RCAN1: variants seen among roughly 807,000 people sequenced by gnomAD.
RCAN1 encodes regulator of calcineurin 1.
In RCAN1, 11 loss-of-function variants were observed where a neutral mutation model predicts 22.9. The observed-to-expected ratio is 0.48, with a 90% confidence interval of 0.30 to 0.79. The LOEUF (loss-of-function observed/expected upper bound fraction) is 0.79, where lower values mean the gene tolerates loss of function less well. RCAN1 is among the 30% of genes least tolerant of loss of function. The pLI is 0.06. For synonymous variants in RCAN1, 136 were observed against 142.3 expected, an observed-to-expected ratio of 0.96 and a Z score of 0.32; for missense variants, 291 against 337.8, an observed-to-expected ratio of 0.86 and a Z score of 1.09.
At chr21:34,596,395 C>T (rs761044758) in intron 1 of RCAN1, among the ~76,000 whole-genome samples, 6 of 152,140 alleles carry the variant, frequency 3.9e-5, no homozygotes, top group African/African-American at 1.4e-4. Flanking sequence ...TGCAGGGAAC[C>T]CCCTCACTGG....
intron 1 of RCAN1, among the ~76,000 whole-genome samples, chr21:34,541,778 C>G (rs1237045151): frequency 6.6e-6 from 1 of 151,950 alleles, no homozygotes; most frequent in East Asian, 1.9e-4. Flanking sequence ...ACTAAAAACA[C>G]AAAAAACTAG....
intron 1 of RCAN1, among the ~76,000 whole-genome samples, chr21:34,575,524 T>G (rs562518236): frequency 4.0e-4 from 61 of 152,158 alleles, no homozygotes; most frequent in African/African-American, 1.4e-3. Context: ...TTTATTTCAT[T>G]TAGATGTATA....
At chr21:34,588,763 A>G (rs1987879521) in intron 1 of RCAN1, among the ~76,000 whole-genome samples, 1 of 152,266 alleles carries the variant, frequency 6.6e-6, no homozygotes, top group Non-Finnish European at 1.5e-5. Flanking sequence ...AAAATAGCCA[A>G]GATGGCAGCA....
intron 1 of RCAN1, among the ~76,000 whole-genome samples, chr21:34,575,233 A>C (rs1439483004): frequency 6.6e-6 from 1 of 152,230 alleles, no homozygotes; most frequent in Non-Finnish European, 1.5e-5. Flanking sequence ...CACAGTGTGC[A>C]TCACAGGGCT....
chr21:34,540,432 T>C (rs1010466993), intron 1 of RCAN1, among the ~76,000 whole-genome samples: 1 of 152,092 alleles, frequency 6.6e-6, no homozygotes, highest in Admixed American at 6.5e-5. Flanking sequence ...AAATCACTCA[T>C]GTCTCCATTC....
chr21:34,578,275 G>A (rs1312612338), intron 1 of RCAN1, among the ~76,000 whole-genome samples: 6 of 152,184 alleles, frequency 3.9e-5, no homozygotes, highest in African/African-American at 1.4e-4. Context: ...AGCAGATGAG[G>A]CAGGACATCA....
intron 1 of RCAN1, among the ~76,000 whole-genome samples, chr21:34,527,817 G>A (rs145729906): frequency 9.6e-4 from 145 of 150,960 alleles, no homozygotes; most frequent in African/African-American, 3.4e-3. Flanking sequence ...GCATAAATGG[G>A]TTAAGAGGTC....
At chr21:34,572,121 C>T (rs191598608) in intron 1 of RCAN1, among the ~76,000 whole-genome samples, 1 of 152,250 alleles carries the variant, frequency 6.6e-6, no homozygotes, top group Admixed American at 6.5e-5. Context: ...CACAGAAAAT[C>T]AGTGGGACCA....
At chr21:34,569,214 C>G (rs1032016096) in intron 1 of RCAN1, among the ~76,000 whole-genome samples, 4 of 152,136 alleles carry the variant, frequency 2.6e-5, no homozygotes, top group Non-Finnish European at 4.4e-5. Flanking sequence ...TTTAGTCACA[C>G]TATAGGTTGC....
At chr21:34,610,377 G>C (rs1988651829) in intron 1 of RCAN1, among the ~76,000 whole-genome samples, 1 of 152,148 alleles carries the variant, frequency 6.6e-6, no homozygotes, top group Non-Finnish European at 1.5e-5. Flanking sequence ...GGTAACCTAA[G>C]GTTAAACCAA....
In RCAN1 at chr21:34,518,099, C is replaced by T. The variant is rs773100015; in HGVS notation, c.744G>A (p.Pro248=). 2.7e-5 allele frequency: 43 copies of T among 1,614,032 alleles called. 1 individual carries two copies. The highest frequency in any genetic ancestry group is 3.3e-4 in the Middle Eastern group (2 of 6,080). ...GCGTGCCAGTTCAGCTGAGGTGGAT[C>T]GGCGTGTACTCCGGCCTCCTGGTCT... ...IIQTRRPEYT[P]IHLS is the part of the protein sequence containing the mutation. The change falls in exon 4 of 4, where the codon CCG becomes CCA. Residue 248 remains proline (P), a synonymous_variant. Coordinates refer to ENST00000313806, the MANE Select transcript of RCAN1 (RefSeq NM_004414.7). The surrounding 1 kb of genome is among the most constrained non-coding windows in gnomAD (Gnocchi z 4.2).
chr21:34,531,322 C>T (rs1276594164), intron 1 of RCAN1, among the ~76,000 whole-genome samples: 1 of 152,212 alleles, frequency 6.6e-6, no homozygotes, highest in African/African-American at 2.4e-5. Flanking sequence ...TTCCAAGGAA[C>T]TATGCCCGCC....
intron 1 of RCAN1, among the ~76,000 whole-genome samples, chr21:34,549,765 G>T (rs1023413894): frequency 3.3e-5 from 5 of 152,132 alleles, no homozygotes; most frequent in Non-Finnish European, 7.3e-5. Flanking sequence ...AGGGGGAAGT[G>T]GTTTGCCAAC....
At chr21:34,586,410 T>A (rs1987799955) in intron 1 of RCAN1, among the ~76,000 whole-genome samples, 1 of 151,914 alleles carries the variant, frequency 6.6e-6, no homozygotes, top group African/African-American at 2.4e-5. Flanking sequence ...CCCAAATGTT[T>A]ATGAACAAAG....
chr21:34,536,857 G>A (rs1347361951), intron 1 of RCAN1, among the ~76,000 whole-genome samples: 3 of 152,212 alleles, frequency 2.0e-5, no homozygotes, highest in Admixed American at 1.3e-4. Flanking sequence ...CAAGAGGCAG[G>A]TCAGAAATGG....
chr21:34,575,475 T>C (rs1987383794), intron 1 of RCAN1, among the ~76,000 whole-genome samples: 1 of 152,168 alleles, frequency 6.6e-6, no homozygotes, highest in African/African-American at 2.4e-5. Context: ...AATTGATGAC[T>C]AGGGGTGAGA....
intron 1 of RCAN1, among the ~76,000 whole-genome samples, chr21:34,553,222 C>G (rs922144423): frequency 6.6e-6 from 1 of 152,238 alleles, no homozygotes; most frequent in African/African-American, 2.4e-5. Context: ...TGAATGATCC[C>G]TCACCAGCGG....
At chr21:34,578,793 T>G (rs1987502770) in intron 1 of RCAN1, among the ~76,000 whole-genome samples, 1 of 152,140 alleles carries the variant, frequency 6.6e-6, no homozygotes, top group South Asian at 2.1e-4. Flanking sequence ...TCGGTTGCTC[T>G]AAATACAGCG....
intron 1 of RCAN1, among the ~76,000 whole-genome samples, chr21:34,604,654 T>C (rs1988468608): frequency 6.6e-6 from 1 of 152,184 alleles, no homozygotes; most frequent in Admixed American, 6.5e-5. Context: ...GATTCCTACA[T>C]GGAAAACTCT....
Sources: gnomAD v4.1 joint callset for allele counts (sites outside exome capture counted in the v4.1 genomes callset) on GRCh38, gnomAD v4.1.1 for gene constraint, Gnocchi (gnomAD v3.1) non-coding constraint, MANE v1.5 for transcripts, NCBI Gene and HGNC (gene_info 2026-07-23, HGNC 2026-07-21) for gene names.